RAB38: variants seen among roughly 807,000 people sequenced by gnomAD.
RAB38 encodes ras-related protein Rab-38.
RAB38 carries 15 observed loss-of-function variants against 18.4 expected under a neutral mutation model. The ratio of observed to expected loss-of-function variants is 0.82; its 90% CI spans 0.55 to 1.26. RAB38 has a LOEUF of 1.26. Among genes scored for constraint, RAB38 ranks in the 50% most tolerant of loss-of-function variants. The probability of loss-of-function intolerance (pLI) is 0.00; values close to 1 mark genes in which losing one functional copy is unlikely to be tolerated. For missense variants in RAB38, 294 were observed against 267.4 expected (o/e 1.10, Z -0.69); for synonymous variants, 101 against 104.4 (o/e 0.97, Z 0.20).
At chr11:87,951,755 G>C in the RAB38 span, among the ~76,000 whole-genome samples, 1 of 152,168 alleles carries the variant, frequency 6.6e-6, no homozygotes, top group South Asian at 2.1e-4. Flanking sequence ...TGTTCCTCTG[G>C]AAGTTTTGTC....
the RAB38 span, among the ~76,000 whole-genome samples, chr11:88,077,522 A>T: frequency 4.6e-5 from 7 of 152,168 alleles, no homozygotes; most frequent in Non-Finnish European, 8.8e-5. Flanking sequence ...AACTCATTTC[A>T]ACAAGGGAGC....
chr11:88,148,177 G>T (rs186002417), intron 2 of RAB38, among the ~76,000 whole-genome samples: 22 of 152,288 alleles, frequency 1.4e-4, no homozygotes, highest in Non-Finnish European at 2.9e-5. Flanking sequence ...AGGAAGACAA[G>T]AACTCTCGCA....
At chr11:87,973,895 C>T in the RAB38 span, among the ~76,000 whole-genome samples, 1 of 151,850 alleles carries the variant, frequency 6.6e-6, no homozygotes, top group African/African-American at 2.4e-5. Context: ...ACCCCATGCC[C>T]TATTTTGAGG....
At chr11:87,939,028 A>G in the RAB38 span, among the ~76,000 whole-genome samples, 5 of 152,082 alleles carry the variant, frequency 3.3e-5, no homozygotes, top group African/African-American at 1.2e-4. Flanking sequence ...TACCTGCCAG[A>G]TAACGAATAC....
chr11:87,937,668 T>A, the RAB38 span, among the ~76,000 whole-genome samples: 1 of 152,000 alleles, frequency 6.6e-6, no homozygotes, highest in East Asian at 1.9e-4. Flanking sequence ...TAGTTTATGT[T>A]TTCAAAGAAT....
chr11:87,877,273 C>A, the RAB38 span, among the ~76,000 whole-genome samples: 4,940 of 151,532 alleles, frequency 0.033, 219 homozygotes, highest in Admixed American at 0.13. Flanking sequence ...ATCCTAGCTT[C>A]TTTATGTTCT....
chr11:88,175,275 T>G lies in RAB38; in HGVS notation c.110A>C (p.His37Pro), dbSNP rs1034309564. The change falls in exon 1 of 3, where the codon CAC becomes CCC. Residue 37 changes from histidine (H) to proline (P), a missense_variant. His to Pro is a moderately conservative substitution (Grantham distance 77, BLOSUM62 -2). Coordinates refer to ENST00000243662, the MANE Select transcript of RAB38 (RefSeq NM_022337.3). Reference sequence around the variant, plus strand: ...GTCCACGCCGATTGTGGCCCGGTAGTGCGAAGAGAAGTTCTGGTGCACGTA... The same window carrying G: ...GTCCACGCCGATTGTGGCCCGGTAGGGCGAAGAGAAGTTCTGGTGCACGTA... ...KRYVHQNFSS[H>P]YRATIGVDFA... 14 of 1,614,038 alleles carry G rather than the reference T, an allele frequency of 8.7e-6. No homozygotes were observed. In the African/African-American group the frequency reaches 1.7e-4, roughly 20 times the overall value.
At chr11:88,120,127 G>C (rs1942611388) in intron 2 of RAB38, among the ~76,000 whole-genome samples, 1 of 151,966 alleles carries the variant, frequency 6.6e-6, no homozygotes, top group Admixed American at 6.6e-5. Flanking sequence ...GCTTCTACTG[G>C]GGCTCCCCTA....
At chr11:87,839,191 T>C in the RAB38 span, among the ~76,000 whole-genome samples, 17 of 152,238 alleles carry the variant, frequency 1.1e-4, no homozygotes, top group Non-Finnish European at 1.6e-4. Context: ...CTCTACCTGT[T>C]GCTTATAAAT....
the RAB38 span, among the ~76,000 whole-genome samples, chr11:87,832,034 A>G: frequency 1.3e-5 from 2 of 152,214 alleles, no homozygotes; most frequent in African/African-American, 4.8e-5. Flanking sequence ...TATATATGAC[A>G]TCTGACATGA....
At chr11:87,941,076 T>C in the RAB38 span, among the ~76,000 whole-genome samples, 3 of 151,520 alleles carry the variant, frequency 2.0e-5, no homozygotes, top group East Asian at 3.9e-4. Context: ...TAAAGACAGA[T>C]TCTTGCTCTT....
the RAB38 span, among the ~76,000 whole-genome samples, chr11:88,037,844 CT>C: frequency 6.6e-6 from 1 of 151,848 alleles, no homozygotes; most frequent in East Asian, 1.9e-4. Context: ...TATATATCTT[CT>C]TTGGGAAGTA....
the RAB38 span, among the ~76,000 whole-genome samples, chr11:87,945,440 T>C: frequency 1.3e-5 from 2 of 152,242 alleles, no homozygotes; most frequent in Non-Finnish European, 2.9e-5. Context: ...ATTTAACAAA[T>C]TGGAGCTTCC....
chr11:87,824,448 G>T, the RAB38 span, among the ~76,000 whole-genome samples: 5 of 152,100 alleles, frequency 3.3e-5, no homozygotes, highest in African/African-American at 1.2e-4. Flanking sequence ...TAAAATAAAA[G>T]TCAGAAAAAT....
chr11:87,935,606 G>T, the RAB38 span, among the ~76,000 whole-genome samples: 1 of 152,196 alleles, frequency 6.6e-6, no homozygotes, highest in Non-Finnish European at 1.5e-5. Flanking sequence ...GATAGGTCCA[G>T]TGTAGCCTTA....
chr11:87,820,077 A>G, the RAB38 span, among the ~76,000 whole-genome samples: 1 of 152,284 alleles, frequency 6.6e-6, no homozygotes, highest in South Asian at 2.1e-4. Flanking sequence ...CTCTCAGGGA[A>G]GTAAGCAGTT....
chr11:87,933,089 T>A, the RAB38 span, among the ~76,000 whole-genome samples: 1 of 152,016 alleles, frequency 6.6e-6, no homozygotes, highest in Non-Finnish European at 1.5e-5. Flanking sequence ...CAAAGATGAA[T>A]CCTCAGTGAA....
the RAB38 span, among the ~76,000 whole-genome samples, chr11:88,078,501 ATG>A: frequency 4.7e-5 from 7 of 148,648 alleles, no homozygotes; most frequent in Admixed American, 6.7e-5. Context: ...GTGTGTATAT[ATG>A]TGTGTGTGTG....
intron 2 of RAB38, among the ~76,000 whole-genome samples, chr11:88,138,043 G>A (rs1942858070): frequency 1.3e-5 from 2 of 152,180 alleles, no homozygotes. Context: ...AGCAGCAGGA[G>A]GCTATGTTCC....
Sources: allele counts gnomAD v4.1 joint callset (sites outside exome capture counted in the v4.1 genomes callset), GRCh38; gene constraint gnomAD v4.1.1; transcripts MANE v1.5; gene names NCBI Gene and HGNC (gene_info 2026-07-23, HGNC 2026-07-21).